The following MACROD2 variants were observed in gnomAD, a reference collection of about 807,000 sequenced individuals.
The protein encoded by MACROD2 is ADP-ribose glycohydrolase MACROD2.
A neutral mutation model predicts 70.4 loss-of-function variants in MACROD2; 36 were observed. The ratio of observed to expected loss-of-function variants is 0.51; its 90% CI spans 0.39 to 0.68. The LOEUF is 0.68. MACROD2 is among the 30% of genes least tolerant of loss of function. The probability of loss-of-function intolerance (pLI) is 0.00; values close to 1 mark genes in which losing one functional copy is unlikely to be tolerated. For missense variants in MACROD2, 496 were observed against 538.4 expected (o/e 0.92, Z 0.78); for synonymous variants, 172 against 178.8 (o/e 0.96, Z 0.30).
At position 15,545,321 on chromosome 20, in the gene MACROD2, C is replaced by A. The variant is rs754941548; in HGVS notation, c.645+45474C>A. ...TATTGGCTGCAGGCAAAATATTAAG[C>A]TGCAAATCACTGGTTTGCAACTTCT... is the stretch of plus-strand genomic sequence containing the variant. On this transcript the variant is annotated intron_variant, in intron 8 of 17. Coordinates refer to ENST00000684519, the MANE Select transcript of MACROD2 (RefSeq NM_001351661.2). Among the ~76,000 whole-genome samples the A allele has an allele frequency of 9.6e-4, 146 of 152,220 alleles. 2 individuals are homozygous for A. Among genetic ancestry groups the A allele is most frequent in the Non-Finnish European group, 1.8e-4 (12 of 68,038 alleles).
At chr20:14,652,884 A>C (rs1456778114) in intron 4 of MACROD2, among the ~76,000 whole-genome samples, 1 of 152,174 alleles carries the variant, frequency 6.6e-6, no homozygotes, top group East Asian at 1.9e-4. Flanking sequence ...TAGGCTTCCT[A>C]ACATGTTATA....
chr20:15,139,468 A>C (rs2076175385), intron 5 of MACROD2, among the ~76,000 whole-genome samples: 1 of 152,200 alleles, frequency 6.6e-6, no homozygotes, highest in Non-Finnish European at 1.5e-5. Context: ...GTTAATCTTC[A>C]GAACAAATAG....
At chr20:15,628,808 A>C (rs185078476) in intron 8 of MACROD2, among the ~76,000 whole-genome samples, 107 of 152,336 alleles carry the variant, frequency 7.0e-4, no homozygotes, top group Admixed American at 3.1e-3. Flanking sequence ...ATCTTCAGCA[A>C]CTGGGTCTCA....
At chr20:14,566,296 G>C (rs546282495) in intron 4 of MACROD2, among the ~76,000 whole-genome samples, 2 of 151,824 alleles carry the variant, frequency 1.3e-5, no homozygotes, top group African/African-American at 4.8e-5. Flanking sequence ...AGAGAAATTC[G>C]TATTTCTGTA....
At chr20:14,208,951 G>C (rs181616352) in intron 3 of MACROD2, among the ~76,000 whole-genome samples, 2 of 152,166 alleles carry the variant, frequency 1.3e-5, no homozygotes, top group African/African-American at 4.8e-5. Context: ...TTAAAAGACA[G>C]TTTTCTCGTA....
At chr20:14,568,473 G>T (rs574104726) in intron 4 of MACROD2, among the ~76,000 whole-genome samples, 2 of 152,144 alleles carry the variant, frequency 1.3e-5, no homozygotes, top group South Asian at 4.1e-4. Context: ...GTGGGTCAAT[G>T]CAAAGCATTC....
chr20:14,527,006 G>C lies in MACROD2; in HGVS notation c.301+33498G>C, dbSNP rs1418054046. 2.0e-5 allele frequency among the ~76,000 whole-genome samples: 3 copies of C among 152,208 alleles called. No individual in the cohort carries two copies. The East Asian group carries it at 5.8e-4, about 29-fold the overall frequency. On this transcript the variant is annotated intron_variant, in intron 4 of 17. Coordinates refer to ENST00000684519, the MANE Select transcript of MACROD2 (RefSeq NM_001351661.2). ...TGTGGACTTGGAGAATGAGTGCAAG[G>C]TTTTATTGAGTGGAAGTAGCTTTCA...
chr20:14,353,717 G>T (rs551345518), intron 3 of MACROD2, among the ~76,000 whole-genome samples: 47 of 152,236 alleles, frequency 3.1e-4, no homozygotes, highest in Middle Eastern at 6.8e-3. Context: ...CATGGCCAGA[G>T]GCGTTTATTC....
chr20:15,428,513 T>C (rs1195523147), intron 6 of MACROD2, among the ~76,000 whole-genome samples: 1 of 152,192 alleles, frequency 6.6e-6, no homozygotes, highest in African/African-American at 2.4e-5. Context: ...AAAAGTGTCA[T>C]TCTTATCATC....
chr20:13,998,323 A>G (rs549131508), intron 1 of MACROD2, among the ~76,000 whole-genome samples: 1 of 152,072 alleles, frequency 6.6e-6, no homozygotes, highest in East Asian at 1.9e-4. Flanking sequence ...AAGTATTGCA[A>G]CTTATTTCAT....
intron 8 of MACROD2, among the ~76,000 whole-genome samples, chr20:15,603,088 C>G (rs2048844842): frequency 6.6e-6 from 1 of 151,928 alleles, no homozygotes. Flanking sequence ...AATTGAAGCA[C>G]AATAATAAAT....
chr20:14,534,050 TA>T (rs1341083662), intron 4 of MACROD2, among the ~76,000 whole-genome samples: 1 of 152,030 alleles, frequency 6.6e-6, no homozygotes. Context: ...TTCTACTTAT[TA>T]AAAAAAATAC....
At chr20:14,230,655 AACACAGGCTGGGCC>A (rs1255362827) in intron 3 of MACROD2, among the ~76,000 whole-genome samples, 444 of 36,128 alleles carry the variant, frequency 0.012, 3 homozygotes, top group African/African-American at 0.035. Context: ...ATATATATAT[AACACAGGCTGGGCC>A]TATATATATA....
At chr20:14,102,196 G>T (rs1467288803) in intron 3 of MACROD2, among the ~76,000 whole-genome samples, 2 of 151,386 alleles carry the variant, frequency 1.3e-5, no homozygotes, top group South Asian at 2.1e-4. Flanking sequence ...TAGAGACGGG[G>T]TTTCACCATG....
chr20:15,995,869 GTGTGTGTGTA>G (rs933321006), intron 15 of MACROD2, among the ~76,000 whole-genome samples: 19 of 151,448 alleles, frequency 1.3e-4, no homozygotes, highest in African/African-American at 4.4e-4. Flanking sequence ...GTGTGTGTGT[GTGTGTGTGTA>G]TGTGTGTGTC....
Position 15,701,572 on chromosome 20 carries a change from C to CT in MACROD2, c.646-161170dup, listed in dbSNP as rs538322152. Among the ~76,000 whole-genome samples, 198 of 152,248 alleles carry CT rather than the reference C, an allele frequency of 1.3e-3. 1 individual carries two copies. Among genetic ancestry groups the CT allele is most frequent in the South Asian group, 0.012 (56 of 4,828 alleles). ...ATTCTTTTCCTCTCAGTACTTTCTC[C>CT]TTTCAGTGTATTCTAGGTAACATTT... On this transcript the variant is annotated intron_variant, in intron 8 of 17. Coordinates refer to ENST00000684519, the MANE Select transcript of MACROD2 (RefSeq NM_001351661.2).
chr20:15,655,862 A>G (rs2049721855), intron 8 of MACROD2, among the ~76,000 whole-genome samples: 1 of 152,208 alleles, frequency 6.6e-6, no homozygotes, highest in South Asian at 2.1e-4. Flanking sequence ...AAAACAGAGC[A>G]TGCAGCTCAA....
At chr20:14,387,754 A>C (rs918515114) in intron 3 of MACROD2, among the ~76,000 whole-genome samples, 1 of 152,128 alleles carries the variant, frequency 6.6e-6, no homozygotes, top group Non-Finnish European at 1.5e-5. Context: ...GAAATGCCAA[A>C]ATTCATTGAA....
chr20:15,018,280 C>G (rs1225110680), intron 5 of MACROD2, among the ~76,000 whole-genome samples: 1 of 152,200 alleles, frequency 6.6e-6, no homozygotes, highest in Non-Finnish European at 1.5e-5. Flanking sequence ...CCGCCAGACT[C>G]TTTGCCAAAA....
Sources: gnomAD v4.1 joint callset for allele counts (sites outside exome capture counted in the v4.1 genomes callset) on GRCh38, gnomAD v4.1.1 for gene constraint, MANE v1.5 for transcripts, NCBI Gene and HGNC (gene_info 2026-07-23, HGNC 2026-07-21) for gene names.